SGCB: variants seen among roughly 807,000 people sequenced by gnomAD.
SGCB encodes sarcoglycan beta.
Under a neutral mutation model 27.3 loss-of-function variants are expected in SGCB, and 25 were observed. The observed-to-expected ratio is 0.92, with a 90% confidence interval of 0.67 to 1.28. The LOEUF is 1.28. Ranked by LOEUF, SGCB falls within the 50% of genes most tolerant of loss-of-function variation. The pLI is 0.00. For synonymous variants in SGCB, 147 were observed against 133.5 expected (o/e 1.10, Z -0.70); for missense variants, 436 against 402.1 (o/e 1.08, Z -0.72).
At chr4:52,036,624 A>C (rs1053864239) in intron 1 of SGCB, among the ~76,000 whole-genome samples, 8 of 152,174 alleles carry the variant, frequency 5.3e-5, no homozygotes, top group South Asian at 4.1e-4. Flanking sequence ...TTTGAAGCTG[A>C]AGTCTGGGGA....
At position 52,028,730 on chromosome 4, in the gene SGCB, C is replaced by T. The variant is rs779523177; in HGVS notation, c.621G>A (p.Arg207=). Residue 207 remains arginine, a splice_region_variant and synonymous_variant, in exon 4 of 6, where the codon AGG becomes AGA. Transcript: ENST00000381431. ...GTAAAACAAAGCCAATAAATCATAC[C>T]CTTTCAGTAGATGCCTTTTGAACAT... ...SLNVQKASTE[R]ITSNATSDLN... is the part of the protein sequence containing the mutation. 1 of 1,602,204 alleles carries T rather than the reference C, an allele frequency of 6.2e-7. No individual in the cohort carries two copies. Among genetic ancestry groups the T allele is most frequent in the South Asian group, 1.1e-5 (1 of 90,740 alleles).
intron 1 of SGCB, among the ~76,000 whole-genome samples, chr4:52,034,807 G>T (rs1283814967): frequency 6.6e-6 from 1 of 152,076 alleles, no homozygotes; most frequent in Admixed American, 6.5e-5. Context: ...CTGTATTTTT[G>T]AAATAACACT....
rs754115634 is a variant in SGCB, at chr4:52,024,063, C to T, written c.851G>A (p.Arg284His). ...ATCAGCACACATGCAGAGCTTGTAGCGTACCCAGTCACCACTACCCAACTG... is the reference window on the plus strand; with the variant it reads ...ATCAGCACACATGCAGAGCTTGTAGTGTACCCAGTCACCACTACCCAACTG... ...GDQLGSGDWV[R>H]YKLCMCADGT... Residue 284 changes from arginine to histidine, a missense_variant, in exon 6 of 6, where the codon CGC becomes CAC. By Grantham distance (29) the Arg-to-His change is conservative. Coordinates refer to ENST00000381431, the MANE Select transcript of SGCB (RefSeq NM_000232.5). 19 of 1,613,832 alleles carry T rather than the reference C, an allele frequency of 1.2e-5. No homozygotes were observed. In the East Asian group the frequency reaches 3.6e-4, roughly 30 times the overall value.
chr4:52,034,057 C>T (rs1024038875), intron 1 of SGCB, among the ~76,000 whole-genome samples: 1 of 151,806 alleles, frequency 6.6e-6, no homozygotes, highest in African/African-American at 2.4e-5. Flanking sequence ...TGAGGCCAGG[C>T]GCGGTGGCTC....
chr4:52,035,385 T>C (rs1026736109), intron 1 of SGCB, among the ~76,000 whole-genome samples: 1 of 152,182 alleles, frequency 6.6e-6, no homozygotes, highest in African/African-American at 2.4e-5. Flanking sequence ...CAATACACAC[T>C]GCAGAGTTCA....
intron 2 of SGCB, among the ~76,000 whole-genome samples, chr4:52,030,152 T>C (rs978345596): frequency 3.3e-5 from 5 of 152,176 alleles, no homozygotes; most frequent in Non-Finnish European, 2.9e-5. Flanking sequence ...ACAATCACTT[T>C]CAACAAATTT....
intron 3 of SGCB, among the ~76,000 whole-genome samples, chr4:52,029,466 G>A (rs1239545237): frequency 6.6e-6 from 1 of 151,996 alleles, no homozygotes; most frequent in African/African-American, 2.4e-5. Flanking sequence ...AATTTTAACA[G>A]ATGATAAAAG....
intron 5 of SGCB, among the ~76,000 whole-genome samples, chr4:52,025,523 G>A (rs1401330788): frequency 6.6e-6 from 1 of 152,200 alleles, no homozygotes; most frequent in African/African-American, 2.4e-5. Context: ...AAGCACGGAG[G>A]GTGAAGGGAA....
chr4:52,038,120 T>A, intron 1 of SGCB, 107 bp downstream of exon 1: 2 of 369,132 alleles, frequency 5.4e-6, no homozygotes, highest in Non-Finnish European at 6.2e-6. Context: ...ACCCAGACCC[T>A]GCGGCCCGCG....
In SGCB at chr4:52,028,892, G is replaced by A. The variant is rs1737178749; in HGVS notation, c.459C>T (p.Leu153=). The A allele has an allele frequency of 6.2e-7, 1 of 1,613,808 alleles. No homozygotes were observed. Among genetic ancestry groups the A allele is most frequent in the Non-Finnish European group, 8.5e-7 (1 of 1,179,824 alleles). ...PIVFQQGTTK[L]SVENNKTSIT... ...TAGAAGTTTTGTTGTTTTCTACACT[G>A]AGCTTTGTTGTCCCTTGCTGAAAAA... The change falls in exon 4 of 6, where the codon CTC becomes CTT. Residue 153 remains leucine, a synonymous_variant. Coordinates refer to ENST00000381431, the MANE Select transcript of SGCB (RefSeq NM_000232.5).
At chr4:52,034,905 G>T (rs1265204333) in intron 1 of SGCB, among the ~76,000 whole-genome samples, 1 of 152,162 alleles carries the variant, frequency 6.6e-6, no homozygotes, top group Non-Finnish European at 1.5e-5. Flanking sequence ...TCAACAGAAT[G>T]TATGCTTGTA....
chr4:52,035,397 A>G (rs1366510172), intron 1 of SGCB, among the ~76,000 whole-genome samples: 1 of 152,218 alleles, frequency 6.6e-6, no homozygotes, highest in African/African-American at 2.4e-5. Context: ...CAGAGTTCAA[A>G]GGGAGGAGAG....
At chr4:52,038,021 G>A (rs1030487159) in intron 1 of SGCB, among the ~76,000 whole-genome samples, 1 of 151,946 alleles carries the variant, frequency 6.6e-6, no homozygotes, top group Non-Finnish European at 1.5e-5. Context: ...GCCCGAGGCC[G>A]CCCCTGGCTC....
chr4:52,034,480 A>C (rs547627296), intron 1 of SGCB, among the ~76,000 whole-genome samples: 1 of 150,404 alleles, frequency 6.6e-6, no homozygotes, highest in African/African-American at 2.5e-5. Context: ...CATTGTGTTC[A>C]GTGTTGTAAG....
At chr4:52,036,923 G>A (rs1300938822) in intron 1 of SGCB, among the ~76,000 whole-genome samples, 3 of 152,198 alleles carry the variant, frequency 2.0e-5, no homozygotes, top group African/African-American at 4.8e-5. Flanking sequence ...GTATGACAGA[G>A]TCCAGTTTTG....
At chr4:52,037,173 A>G (rs1015498058) in intron 1 of SGCB, among the ~76,000 whole-genome samples, 1 of 152,182 alleles carries the variant, frequency 6.6e-6, no homozygotes, top group Admixed American at 6.5e-5. Context: ...GTCTCCTTTC[A>G]GTTTCACTCA....
In SGCB at chr4:52,027,044, G is replaced by A. The variant is rs1240317128; in HGVS notation, c.753+924C>T. On this transcript the variant is annotated intron_variant, in intron 5 of 5. Transcript: ENST00000381431. Reference sequence around the variant, plus strand: ...AGAGATGGGATTATGTGTTCTGGGGGAAAAACTGCTTATAAAAGTAAAACA... The same window carrying A: ...AGAGATGGGATTATGTGTTCTGGGGAAAAAACTGCTTATAAAAGTAAAACA... Among the ~76,000 whole-genome samples the A allele has an allele frequency of 3.3e-5, 5 of 152,098 alleles. No homozygotes were observed. In the South Asian group the frequency reaches 8.3e-4, roughly 25 times the overall value.
chr4:52,024,118 T>C lies in SGCB; in HGVS notation c.796A>G (p.Thr266Ala). Residue 266 changes from threonine (T) to alanine (A), a missense_variant, in exon 6 of 6, where the codon ACC (threonine) becomes GCC (alanine). Thr to Ala is a moderately conservative substitution (Grantham distance 58, BLOSUM62 0). Transcript: ENST00000381431. Reference protein sequence around the residue: ...ILNGSVMVSTTRLPSSSSGDQ... With the variant: ...ILNGSVMVSTARLPSSSSGDQ... ...CCACTGGAGGAACTGGGTAGGCGGG[T>C]GGTGCTGACCATCACAGATCCATTT... The C allele has an allele frequency of 6.2e-7, 1 of 1,614,132 alleles. No homozygotes were observed. The highest frequency in any genetic ancestry group is 8.5e-7 in the Non-Finnish European group (1 of 1,180,012).
chr4:52,023,873 T>G lies in SGCB; in HGVS notation c.*84A>C, dbSNP rs557904231. 3.8e-4 allele frequency: 395 copies of G among 1,053,112 alleles called. 6 individuals are homozygous for G. In the South Asian group the frequency reaches 4.7e-3, roughly 12 times the overall value. The allele number at this position is 1,053,112 out of a possible 1,614,324, so 65.2% of individuals were successfully genotyped here. On this transcript the variant is annotated 3_prime_UTR_variant, in exon 6 of 6. Transcript: ENST00000381431. The stretch of plus-strand genomic sequence containing the variant: ...CTGCCATTAAAATAATTATGAGTTA[T>G]CACAAACTCTGTAAAAACAATGATT...
Sources: allele counts gnomAD v4.1 joint callset (sites outside exome capture counted in the v4.1 genomes callset), GRCh38; gene constraint gnomAD v4.1.1; transcripts MANE v1.5; gene names NCBI Gene and HGNC (gene_info 2026-07-23, HGNC 2026-07-21).